TNRC18: variants seen among roughly 807,000 people sequenced by gnomAD.
TNRC18 encodes the protein trinucleotide repeat-containing gene 18 protein.
A neutral mutation model predicts 226.7 loss-of-function variants in TNRC18; 69 were observed. The observed-to-expected ratio is 0.30, with a 90% CI of 0.25 to 0.37. The LOEUF (loss-of-function observed/expected upper bound fraction) is 0.37, where lower values mean the gene tolerates loss of function less well. TNRC18 is among the 10% of genes least tolerant of loss of function. The probability of loss-of-function intolerance (pLI) is 1.00; values close to 1 mark genes in which losing one functional copy is unlikely to be tolerated. For missense variants in TNRC18, 4,754 were observed against 4,256.6 expected (o/e 1.12, Z -3.25); for synonymous variants, 2,449 against 1,927.6 (o/e 1.27, Z -7.09).
In TNRC18 at chr7:5,394,710, G is replaced by A; in HGVS notation, c.188-115C>T. On this transcript the variant is annotated intron_variant, in intron 2 of 29. Coordinates refer to ENST00000430969, the MANE Select transcript of TNRC18 (RefSeq NM_001080495.3). The surrounding 1 kb of genome is among the most constrained non-coding windows in gnomAD (Gnocchi z 4.5). Reference sequence around the variant, plus strand: ...CGCCGCCTCTCCCCAGCTGTGTGGAGCTGATGCTGGCCAGGAGACCAAAGA... The same window carrying A: ...CGCCGCCTCTCCCCAGCTGTGTGGAACTGATGCTGGCCAGGAGACCAAAGA... The A allele has an allele frequency of 1.3e-6, 1 of 774,238 alleles. No individual in the cohort carries two copies. Among genetic ancestry groups the A allele is most frequent in the Non-Finnish European group, 2.1e-6 (1 of 484,428 alleles). The allele number at this position is 774,238 out of a possible 1,614,324, so 48.0% of individuals were successfully genotyped here.
intron 9 of TNRC18, 82 bp from the exon 10 acceptor site, chr7:5,374,566 G>T: frequency 7.1e-7 from 1 of 1,404,938 alleles, no homozygotes; most frequent in Non-Finnish European, 9.4e-7. Flanking sequence ...TCCCCCCAAG[G>T]GTCCCCGAGT....
Position 5,361,661 on chromosome 7 carries a change from G to A in TNRC18, c.4594C>T (p.Arg1532Trp), listed in dbSNP as rs374735679. The A allele has an allele frequency of 1.9e-5, 30 of 1,561,396 alleles. No individual in the cohort carries two copies. Among genetic ancestry groups the A allele is most frequent in the East Asian group, 4.8e-5 (2 of 41,564 alleles). ...ARRGPGRPRK[R>W]THAPSALSPP... is the part of the protein sequence containing the mutation. The stretch of plus-strand genomic sequence containing the variant: ...GACAGGGCGCTCGGGGCGTGGGTCC[G>A]TTTCCGCGGCCTGCCAGGGCCTCTG... Residue 1532 changes from arginine to tryptophan, a missense_variant, in exon 14 of 30, where the codon CGG becomes TGG. By Grantham distance (101) the Arg-to-Trp change is moderately radical (BLOSUM62 -3). Transcript: ENST00000430969.
rs190507679 is a variant in TNRC18 at position 5,396,121 on chromosome 7, A to G, written c.188-1526T>C. Among the ~76,000 whole-genome samples the G allele has an allele frequency of 6.3e-4, 93 of 146,484 alleles. 1 individual carries two copies. In the East Asian group the frequency reaches 0.019, roughly 29 times the overall value. The stretch of plus-strand genomic sequence containing the variant: ...CGGAGGCGGAGGTTGCAGTGAGCCG[A>G]GATCGCTCCACTGCACTCCAGCCTG... On this transcript the variant is annotated intron_variant, in intron 2 of 29. Transcript: ENST00000430969.
chr7:5,385,344 C>T (rs903072557), intron 5 of TNRC18, among the ~76,000 whole-genome samples: 10 of 151,804 alleles, frequency 6.6e-5, no homozygotes, highest in Admixed American at 6.6e-4. Flanking sequence ...AAAAATTAGC[C>T]GGGCGCGGTG....
rs142956093 is a variant in TNRC18 at position 5,352,019 on chromosome 7, G to A, written c.5270C>T (p.Thr1757Met). 5.3e-5 allele frequency: 86 copies of A among 1,613,954 alleles called. No homozygotes were observed. The highest frequency in any genetic ancestry group is 4.9e-4 in the Middle Eastern group (3 of 6,062). The change falls in exon 17 of 30, where the codon ACG becomes ATG. Residue 1757 changes from threonine to methionine, a missense_variant. Physicochemically the swap from Thr to Met is moderately conservative, Grantham distance 81. Transcript: ENST00000430969. The part of the protein sequence containing the change: ...PAQGPSSSKL[T>M]PSLLCSMVAK... ...CACCATGCTACACAGGAGGGAAGGC[G>A]TCAGTTTGGAGCTGGAGGGGCCTTG...
chr7:5,325,492 T>C (rs1257211007), intron 19 of TNRC18: 16 of 438,904 alleles, frequency 3.6e-5, no homozygotes, highest in Admixed American at 8.7e-5. Context: ...GGCGCGATCT[T>C]GGCTCACTGC....
At chr7:5,408,936 A>C (rs1054865436) in intron 2 of TNRC18, among the ~76,000 whole-genome samples, 3 of 152,234 alleles carry the variant, frequency 2.0e-5, no homozygotes, top group African/African-American at 4.8e-5. Context: ...GTGTGGACCA[A>C]AGGGAAAACA....
chr7:5,353,881 C>A (rs973412131), intron 16 of TNRC18, among the ~76,000 whole-genome samples: 3 of 152,198 alleles, frequency 2.0e-5, no homozygotes, highest in Non-Finnish European at 4.4e-5. Context: ...GTTTTCGACA[C>A]AGGCACGATG....
chr7:5,362,970 A>C, intron 11 of TNRC18, 145 bp from the exon 12 acceptor site: 1 of 796,240 alleles, frequency 1.3e-6, no homozygotes, highest in Non-Finnish European at 1.9e-6. Flanking sequence ...CCTTTGTGAC[A>C]TGCCGGAAGT....
At chr7:5,356,102 T>A (rs1434986338) in intron 16 of TNRC18, among the ~76,000 whole-genome samples, 2 of 150,598 alleles carry the variant, frequency 1.3e-5, no homozygotes, top group Non-Finnish European at 2.9e-5. Context: ...AGCTAGAAGT[T>A]GCAGTGAGCC....
chr7:5,362,139 G>T, intron 12 of TNRC18, 106 bp from the exon 13 acceptor site: 1 of 1,395,214 alleles, frequency 7.2e-7, no homozygotes, highest in Non-Finnish European at 9.8e-7. Context: ...TGCACTGGGA[G>T]CTGGGGCTCG....
intron 18 of TNRC18, among the ~76,000 whole-genome samples, chr7:5,343,341 G>C (rs567994927): frequency 6.6e-6 from 1 of 152,120 alleles, no homozygotes; most frequent in Non-Finnish European, 1.5e-5. Flanking sequence ...GTGACAAAGC[G>C]AGACCGTATC....
chr7:5,375,418 C>G (rs1583972368), intron 9 of TNRC18, among the ~76,000 whole-genome samples: 1 of 152,204 alleles, frequency 6.6e-6, no homozygotes. Context: ...AAGGACTAGG[C>G]AACGCTAGCA....
intron 17 of TNRC18, among the ~76,000 whole-genome samples, chr7:5,349,900 G>A (rs983706485): frequency 6.6e-6 from 1 of 152,150 alleles, no homozygotes; most frequent in Non-Finnish European, 1.5e-5. Context: ...GTGGAGGGGG[G>A]CACTGAGGAG....
At chr7:5,386,733 G>A (rs1584017574) in intron 5 of TNRC18, among the ~76,000 whole-genome samples, 1 of 152,076 alleles carries the variant, frequency 6.6e-6, no homozygotes, top group African/African-American at 2.4e-5. Context: ...CTGGGTAACA[G>A]AGCAAGACTC....
At chr7:5,341,187 G>A (rs1417618958) in intron 18 of TNRC18, among the ~76,000 whole-genome samples, 5 of 151,460 alleles carry the variant, frequency 3.3e-5, no homozygotes, top group East Asian at 3.9e-4. Flanking sequence ...TGAGGCAGGC[G>A]GATCACGATG....
Position 5,352,040 on chromosome 7 carries a change from C to G in TNRC18, c.5249G>C (p.Gly1750Ala). The G allele has an allele frequency of 6.2e-7, 1 of 1,613,656 alleles. No individual in the cohort carries two copies. The highest frequency in any genetic ancestry group is 8.5e-7 in the Non-Finnish European group (1 of 1,179,764). Residue 1750 changes from glycine (G) to alanine (A), a missense_variant, in exon 17 of 30, where the codon GGC becomes GCC. By Grantham distance (60) the Gly-to-Ala change is moderately conservative. Transcript: ENST00000430969. ...AGGCGTCAGTTTGGAGCTGGAGGGG[C>G]CTTGGGCGGGCCACTCGTCCTTCAG... ...EFLKDEWPAQ[G>A]PSSSKLTPSL...
chr7:5,337,830 A>G (rs953096215), intron 18 of TNRC18, among the ~76,000 whole-genome samples: 1 of 152,032 alleles, frequency 6.6e-6, no homozygotes, highest in Non-Finnish European at 1.5e-5. Flanking sequence ...TAAAAATACA[A>G]AAATTAGCCA....
chr7:5,393,544 A>G (rs1562609007), intron 3 of TNRC18, among the ~76,000 whole-genome samples: 1 of 152,096 alleles, frequency 6.6e-6, no homozygotes, highest in Non-Finnish European at 1.5e-5. Context: ...GAAGAGCCCT[A>G]AGCCTGCAGC....
Sources: gnomAD v4.1 joint callset for allele counts (sites outside exome capture counted in the v4.1 genomes callset) on GRCh38, gnomAD v4.1.1 for gene constraint, Gnocchi (gnomAD v3.1) non-coding constraint, MANE v1.5 for transcripts, NCBI Gene and HGNC (gene_info 2026-07-23, HGNC 2026-07-21) for gene names.